CARD8: variants seen among roughly 807,000 people sequenced by gnomAD.
The protein encoded by CARD8 is caspase recruitment domain-containing protein 8.
A neutral mutation model predicts 53.2 loss-of-function variants in CARD8; 38 were observed. The observed-to-expected ratio is 0.71, with a 90% CI of 0.55 to 0.94. CARD8 has a LOEUF of 0.94. Among genes scored for constraint, CARD8 ranks in the 40% least tolerant of loss-of-function variants. CARD8 has a pLI of 0.00. For synonymous variants in CARD8, 245 were observed against 244.9 expected (o/e 1.00, Z 0.00); for missense variants, 561 against 655.5 (o/e 0.86, Z 1.57).
chr19:48,232,927 T>C (rs2043179226), intron 6 of CARD8: 2 of 386,048 alleles, frequency 5.2e-6, no homozygotes, highest in Admixed American at 3.2e-5. Context: ...ACGTTCAATG[T>C]GGACACAGCC....
downstream of CARD8, among the ~76,000 whole-genome samples, chr19:48,204,902 A>G (rs191462148): frequency 8.5e-5 from 13 of 152,340 alleles, no homozygotes; most frequent in East Asian, 2.5e-3. Context: ...TTTAGGGGGA[A>G]AGCAATGGCC....
intron 3 of CARD8, among the ~76,000 whole-genome samples, chr19:48,244,778 T>C (rs2045833894): frequency 6.6e-6 from 1 of 151,898 alleles, no homozygotes; most frequent in South Asian, 2.1e-4. Flanking sequence ...TACAAGAAAA[T>C]AGGTGAGAAG....
intron 3 of CARD8, among the ~76,000 whole-genome samples, 157 bp downstream of exon 3, chr19:48,249,366 G>A (rs931803879): frequency 3.9e-5 from 6 of 152,162 alleles, no homozygotes; most frequent in Non-Finnish European, 5.9e-5. Flanking sequence ...GGCAACAGCC[G>A]AGAGTGGCTG....
chr19:48,242,916 G>A (rs2045452228), intron 3 of CARD8, among the ~76,000 whole-genome samples: 1 of 152,040 alleles, frequency 6.6e-6, no homozygotes, highest in Admixed American at 6.6e-5. Flanking sequence ...TGTTATTATG[G>A]GCCTTTTGAA....
chr19:48,224,920 A>G (rs1018240823), intron 10 of CARD8, among the ~76,000 whole-genome samples: 4 of 151,514 alleles, frequency 2.6e-5, no homozygotes, highest in African/African-American at 9.7e-5. Flanking sequence ...TGCCCGGCTA[A>G]TTGTTTGTAT....
chr19:48,222,510 G>A (rs2040855786), intron 10 of CARD8, among the ~76,000 whole-genome samples: 2 of 152,140 alleles, frequency 1.3e-5, no homozygotes, highest in South Asian at 2.1e-4. Flanking sequence ...CCAGCATGGC[G>A]AAACCCCGTC....
chr19:48,232,370 C>T (rs1334191858), intron 7 of CARD8, 83 bp downstream of exon 7: 11 of 1,310,664 alleles, frequency 8.4e-6, no homozygotes, highest in Admixed American at 5.9e-5. Flanking sequence ...ACAAAAGACT[C>T]TAAATTGTCT....
rs141251590 is a variant in CARD8 at position 48,219,831 on chromosome 19, C to T, written c.1162-819G>A. 3.9e-3 allele frequency among the ~76,000 whole-genome samples: 594 copies of T among 152,088 alleles called. 5 individuals carry two copies. The highest frequency in any genetic ancestry group is 0.013 in the African/African-American group (550 of 41,466). Reference sequence around the variant, plus strand: ...ACTAAAAATACAACAATTAGCCAGGCGTGGTGGCAGGTGCCTGTAGTCCCA... The same window carrying T: ...ACTAAAAATACAACAATTAGCCAGGTGTGGTGGCAGGTGCCTGTAGTCCCA... On this transcript the variant is annotated intron_variant, in intron 11 of 13. Coordinates refer to ENST00000651546, the MANE Select transcript of CARD8 (RefSeq NM_001184900.3).
At chr19:48,206,095 A>G (rs898410418), downstream of CARD8, among the ~76,000 whole-genome samples, 1 of 151,846 alleles carries the variant, frequency 6.6e-6, no homozygotes, top group Non-Finnish European at 1.5e-5. Flanking sequence ...ACGAGGTTTC[A>G]CCACGTTGGC....
intron 3 of CARD8, among the ~76,000 whole-genome samples, chr19:48,247,941 C>T (rs1479788251): frequency 6.6e-6 from 1 of 151,770 alleles, no homozygotes; most frequent in Non-Finnish European, 1.5e-5. Flanking sequence ...ATTCAGTTAC[C>T]ACTCATCAAA....
rs974162823 is a variant in CARD8, at chr19:48,210,746, T to C, written c.*964A>G. On this transcript the variant is annotated 3_prime_UTR_variant, in exon 14 of 14. Coordinates refer to ENST00000651546, the MANE Select transcript of CARD8 (RefSeq NM_001184900.3). ...TTCCAGTTAAAAGAGACTATCAGAA[T>C]GGGTTCAAAATACACCATAAAAAAA... The C allele has an allele frequency of 6.6e-6, 1 of 152,174 alleles. No homozygotes were observed. Among genetic ancestry groups the C allele is most frequent in the Non-Finnish European group, 1.5e-5 (1 of 68,016 alleles). 9.4% of individuals were successfully genotyped at this position (152,174 alleles called of 1,614,324 possible).
At chr19:48,212,064 TG>T (rs1344278430) in intron 13 of CARD8, 89 bp from the exon 14 acceptor site, 33 of 1,252,386 alleles carry the variant, frequency 2.6e-5, no homozygotes, top group Non-Finnish European at 3.7e-5. Context: ...AATTCAGGGG[TG>T]GGAGATTGCT....
chr19:48,212,117 C>T (rs1158779030), intron 13 of CARD8, 142 bp from the exon 14 acceptor site: 16 of 737,430 alleles, frequency 2.2e-5, no homozygotes, highest in African/African-American at 1.8e-5. Flanking sequence ...CAAAATCACA[C>T]ACATTCACAG....
downstream of CARD8, among the ~76,000 whole-genome samples, chr19:48,204,710 G>A (rs945968990): frequency 6.6e-6 from 1 of 152,130 alleles, no homozygotes; most frequent in Non-Finnish European, 1.5e-5. Context: ...TCTATGGGAG[G>A]GACTGGGAGG....
downstream of CARD8, among the ~76,000 whole-genome samples, chr19:48,205,729 C>T (rs544737345): frequency 7.4e-4 from 113 of 152,134 alleles, no homozygotes; most frequent in African/African-American, 2.7e-3. Flanking sequence ...TGGACCCACA[C>T]AATCGGGCCC....
chr19:48,222,024 A>C (rs781067304), intron 10 of CARD8, among the ~76,000 whole-genome samples, 169 bp from the exon 11 acceptor site: 1 of 152,244 alleles, frequency 6.6e-6, no homozygotes, highest in East Asian at 1.9e-4. Context: ...AGATACACAG[A>C]TATGAATGAA....
At chr19:48,253,448 C>T (rs1349436595) in intron 1 of CARD8, among the ~76,000 whole-genome samples, 1 of 152,060 alleles carries the variant, frequency 6.6e-6, no homozygotes, top group Non-Finnish European at 1.5e-5. Context: ...TTCCCCACCC[C>T]TCATATGACA....
intron 3 of CARD8, among the ~76,000 whole-genome samples, chr19:48,247,855 A>G (rs890802578): frequency 3.0e-4 from 45 of 151,924 alleles, no homozygotes; most frequent in African/African-American, 1.1e-3. Flanking sequence ...AAATTTTAAC[A>G]TTAAAATACA....
chr19:48,205,129 T>C (rs933560964), downstream of CARD8, among the ~76,000 whole-genome samples: 7 of 152,190 alleles, frequency 4.6e-5, no homozygotes, highest in Non-Finnish European at 7.3e-5. Context: ...AGTCGGAGTG[T>C]TGAAGCTAAC....
Sources: gnomAD v4.1 joint callset for allele counts (sites outside exome capture counted in the v4.1 genomes callset) on GRCh38, gnomAD v4.1.1 for gene constraint, MANE v1.5 for transcripts, NCBI Gene and HGNC (gene_info 2026-07-23, HGNC 2026-07-21) for gene names.